The following MMS22L variants were observed in gnomAD, a reference collection of about 807,000 sequenced individuals.
MMS22L encodes MMS22 like, DNA repair protein.
In MMS22L, 74 loss-of-function variants were observed where a neutral mutation model predicts 159.1. The ratio of observed to expected loss-of-function variants is 0.47; its 90% confidence interval spans 0.39 to 0.56. The LOEUF (loss-of-function observed/expected upper bound fraction) is 0.56. Ranked by LOEUF, MMS22L falls within the 20% of genes least tolerant of loss-of-function variation. The pLI is 0.00. For synonymous variants in MMS22L, 517 were observed against 506.9 expected (o/e 1.02, Z -0.27); for missense variants, 1,351 against 1,422.1 (o/e 0.95, Z 0.80).
chr6:97,242,917 T>C (rs1336924065), intron 11 of MMS22L, among the ~76,000 whole-genome samples: 1 of 152,214 alleles, frequency 6.6e-6, no homozygotes, highest in Non-Finnish European at 1.5e-5. Flanking sequence ...AAATCCCTTC[T>C]AGCTTGTATT....
rs1460604444 is a variant in MMS22L, at chr6:97,145,022, A to ACCCCC, written c.*1783_*1784insGGGGG. On this transcript the variant is annotated 3_prime_UTR_variant, in exon 25 of 25. Transcript: ENST00000683635. ...TATCAATCTCCTTTGGAAAAAAAAA[A>ACCCCC]CCCACACACACACACACACACACAC... 9.7e-6 allele frequency: 1 copy of ACCCCC among 103,304 alleles called. No homozygotes were observed. The highest frequency in any genetic ancestry group is 4.3e-5 in the African/African-American group (1 of 23,200). 6.4% of individuals were successfully genotyped at this position (103,304 alleles called of 1,614,324 possible). A position where few individuals can be genotyped will look rare whatever the true frequency, so the allele number is the denominator to read the frequency against.
Position 97,200,821 on chromosome 6 carries a change from T to C in MMS22L, c.2040-14131A>G, listed in dbSNP as rs17057510. 9.4e-3 allele frequency among the ~76,000 whole-genome samples: 1,429 copies of C among 152,236 alleles called. 25 individuals are homozygous for C. Among genetic ancestry groups the C allele is most frequent in the African/African-American group, 0.031 (1,307 of 41,546 alleles). Reference sequence around the variant, plus strand: ...ACACTGATAAAAGAGTAGGGCTTTGTTACCATCCTGTGAATTTTAACTAGA... The same window carrying C: ...ACACTGATAAAAGAGTAGGGCTTTGCTACCATCCTGTGAATTTTAACTAGA... On this transcript the variant is annotated intron_variant, in intron 14 of 24. Transcript: ENST00000683635.
rs184855362 is a variant in MMS22L, at chr6:97,244,922, C to T, written c.1182+1706G>A. ...GTTCTCAGGGCTACGAAATTATGTTCGAAGGGGAATTATGGCTGCCTCTGC... is the reference window on the plus strand; with the variant it reads ...GTTCTCAGGGCTACGAAATTATGTTTGAAGGGGAATTATGGCTGCCTCTGC... On this transcript the variant is annotated intron_variant, in intron 11 of 24. Transcript: ENST00000683635. 2.6e-5 allele frequency among the ~76,000 whole-genome samples: 4 copies of T among 151,956 alleles called. No individual in the cohort carries two copies. The East Asian group carries it at 5.8e-4, about 22-fold the overall frequency.
intron 19 of MMS22L, among the ~76,000 whole-genome samples, chr6:97,172,760 T>C (rs1803681038): frequency 6.6e-6 from 1 of 152,170 alleles, no homozygotes; most frequent in South Asian, 2.1e-4. Context: ...AGGTCCATTC[T>C]AGTTATTCAG....
intron 24 of MMS22L, among the ~76,000 whole-genome samples, chr6:97,147,970 G>T (rs1800991609): frequency 2.0e-5 from 3 of 152,118 alleles, no homozygotes; most frequent in Non-Finnish European, 4.4e-5. Flanking sequence ...TCATTAGAGT[G>T]TGTATTTGTA....
In MMS22L at chr6:97,149,912, A is replaced by G. The variant is rs1377012793; in HGVS notation, c.3591T>C (p.Leu1197=). The G allele has an allele frequency of 6.2e-7, 1 of 1,613,568 alleles. No homozygotes were observed. The highest frequency in any genetic ancestry group is 1.3e-5 in the African/African-American group (1 of 74,886). The part of the protein sequence containing the change: ...QQVVIHLIST[L]TQSLKDSEQK... ...GCTCTGAATCCTTCAGAGACTGAGT[A>G]AGGGTAGAAATCAAGTGGATGACAA... The change falls in exon 24 of 25, where the codon CTT becomes CTC. Residue 1197 remains leucine, a synonymous_variant. Transcript: ENST00000683635.
At position 97,222,311 on chromosome 6, in the gene MMS22L, G is replaced by A. The variant is rs558375507; in HGVS notation, c.2039+6583C>T. On this transcript the variant is annotated intron_variant, in intron 14 of 24. Transcript: ENST00000683635. ...TAGCCTTATAGGGAGAGAAAAAAAG[G>A]AATTTAAATATATATATATTTTCAA... is the stretch of plus-strand genomic sequence containing the variant. Among the ~76,000 whole-genome samples, 573 of 151,960 alleles carry A rather than the reference G, an allele frequency of 3.8e-3. 2 individuals carry two copies. The highest frequency in any genetic ancestry group is 6.8e-3 in the Middle Eastern group (2 of 294).
chr6:97,240,762 G>C (rs1366134954), intron 11 of MMS22L, among the ~76,000 whole-genome samples: 3 of 152,078 alleles, frequency 2.0e-5, no homozygotes, highest in African/African-American at 7.2e-5. Flanking sequence ...GAGAAGATGA[G>C]ATTACAGGCA....
chr6:97,150,353 T>C (rs1005705558), intron 23 of MMS22L, among the ~76,000 whole-genome samples: 1 of 152,078 alleles, frequency 6.6e-6, no homozygotes, highest in African/African-American at 2.4e-5. Context: ...GGAAAGGATA[T>C]GGGAGACAGT....
intron 14 of MMS22L, among the ~76,000 whole-genome samples, chr6:97,195,930 C>A (rs922592572): frequency 3.3e-5 from 5 of 152,114 alleles, no homozygotes; most frequent in African/African-American, 1.2e-4. Flanking sequence ...GAAGGAGCAG[C>A]CTGTCATTGC....
chr6:97,282,662 T>C, intron 1 of MMS22L, 109 bp from the exon 2 acceptor site: 1 of 431,532 alleles, frequency 2.3e-6, no homozygotes, highest in Non-Finnish European at 4.0e-6. Flanking sequence ...AGAGGCCAAA[T>C]TCCCAATTCC....
chr6:97,154,985 A>G (rs1008803037), intron 22 of MMS22L, among the ~76,000 whole-genome samples: 4 of 152,166 alleles, frequency 2.6e-5, no homozygotes, highest in Admixed American at 1.3e-4. Context: ...TGGAGCTATT[A>G]GTATAGTCAC....
rs1562383743 is a variant in MMS22L, at chr6:97,146,118, CA to C, written c.*687del. On this transcript the variant is annotated 3_prime_UTR_variant, in exon 25 of 25. Coordinates refer to ENST00000683635, the MANE Select transcript of MMS22L (RefSeq NM_001350599.2). Reference sequence around the variant, plus strand: ...ATGATTTTTTTTTTAATGACAACTCCAAAAGAAAGGATGAATAAAAAAAAAA... The same window carrying C: ...ATGATTTTTTTTTTAATGACAACTCCAAAGAAAGGATGAATAAAAAAAAAA... 1 of 137,222 alleles carries C rather than the reference CA, an allele frequency of 7.3e-6. No individual in the cohort carries two copies. Among genetic ancestry groups the C allele is most frequent in the Non-Finnish European group, 1.6e-5 (1 of 62,378 alleles). The allele number at this position is 137,222 out of a possible 1,614,324, so 8.5% of individuals were successfully genotyped here.
chr6:97,241,221 T>C (rs573038184), intron 11 of MMS22L, among the ~76,000 whole-genome samples: 1 of 152,350 alleles, frequency 6.6e-6, no homozygotes, highest in East Asian at 1.9e-4. Flanking sequence ...TGATGGGTAT[T>C]GGGCTGGTTC....
chr6:97,150,899 TA>T (rs1801254835), intron 23 of MMS22L, among the ~76,000 whole-genome samples: 1 of 152,148 alleles, frequency 6.6e-6, no homozygotes, highest in African/African-American at 2.4e-5. Context: ...CACAAGACTC[TA>T]AAGGGAACAA....
chr6:97,246,629 T>C lies in MMS22L; in HGVS notation c.1181A>G (p.Gln394Arg). The C allele has an allele frequency of 6.2e-7, 1 of 1,609,556 alleles. No individual in the cohort carries two copies. The highest frequency in any genetic ancestry group is 8.5e-7 in the Non-Finnish European group (1 of 1,178,002). The part of the protein sequence containing the change: ...EELLKKSISV[Q>R]GVILEEQLRM... ...AACTGTCTTACTTTAATTGCATACCTGAACACTGATGGACTTTTTCAGCAG... is the reference window on the plus strand; with the variant it reads ...AACTGTCTTACTTTAATTGCATACCCGAACACTGATGGACTTTTTCAGCAG... Residue 394 changes from glutamine to arginine, a missense_variant and splice_region_variant, in exon 11 of 25, where the codon CAG becomes CGG. Gln to Arg is a conservative substitution (Grantham distance 43, BLOSUM62 1). Transcript: ENST00000683635.
chr6:97,190,337 G>C (rs1044135573), intron 14 of MMS22L, among the ~76,000 whole-genome samples: 2 of 152,038 alleles, frequency 1.3e-5, no homozygotes, highest in Non-Finnish European at 1.5e-5. Context: ...GTGATTTCTG[G>C]TCAGAAACTG....
intron 14 of MMS22L, among the ~76,000 whole-genome samples, chr6:97,188,692 TTA>T (rs1312251774): frequency 4.2e-4 from 64 of 152,170 alleles, no homozygotes; most frequent in African/African-American, 1.5e-3. Flanking sequence ...TCTACTTAGG[TTA>T]AAGAAATTTC....
intron 1 of MMS22L, 23 bp from the exon 2 acceptor site, chr6:97,282,576 GC>G: frequency 1.2e-5 from 1 of 80,044 alleles, no homozygotes; most frequent in East Asian, 3.3e-4. Flanking sequence ...GGGGGGTGGG[GC>G]CGAGAGAGTG....
Sources: gnomAD v4.1 joint callset for allele counts (sites outside exome capture counted in the v4.1 genomes callset) on GRCh38, gnomAD v4.1.1 for gene constraint, MANE v1.5 for transcripts, NCBI Gene and HGNC (gene_info 2026-07-23, HGNC 2026-07-21) for gene names.